DNAH8: variants seen among roughly 807,000 people sequenced by gnomAD.
DNAH8 encodes axonemal beta dynein heavy chain 8.
DNAH8 carries 382 observed loss-of-function variants against 562.1 expected under a neutral mutation model. That is an observed-to-expected ratio of 0.68 (90% CI 0.63 to 0.74). The LOEUF is 0.74. DNAH8 is among the 30% of genes least tolerant of loss of function. The pLI is 0.00. For missense variants in DNAH8, 5,203 were observed against 5,620.4 expected (o/e 0.93, Z 2.37); for synonymous variants, 1,881 against 1,919.4 (o/e 0.98, Z 0.52).
intron 11 of DNAH8, chr6:38,762,758 G>A (rs1766642880): frequency 6.1e-6 from 1 of 164,724 alleles, no homozygotes; most frequent in African/African-American, 2.4e-5. Context: ...AAGGTGTGTG[G>A]CTTGAACAGG....
intron 73 of DNAH8, among the ~76,000 whole-genome samples, chr6:38,924,478 T>C (rs745578085): frequency 2.0e-5 from 3 of 151,736 alleles, no homozygotes; most frequent in Non-Finnish European, 4.4e-5. Context: ...CACTCCAGAC[T>C]GGGCAACAAG....
At position 38,999,936 on chromosome 6, in the gene DNAH8, C is replaced by A. The variant is rs1188583831; in HGVS notation, c.13215-8878C>A. On this transcript the variant is annotated intron_variant, in intron 88 of 92. Transcript: ENST00000327475. ...GCATTTATACACACACACACACAAACACACACACACACATTCATTGAAAGG... is the reference window on the plus strand; with the variant it reads ...GCATTTATACACACACACACACAAAAACACACACACACATTCATTGAAAGG... Among the ~76,000 whole-genome samples, 3 of 147,782 alleles carry A rather than the reference C, an allele frequency of 2.0e-5. No homozygotes were observed. The East Asian group carries it at 5.8e-4, about 29-fold the overall frequency.
chr6:38,884,434 C>T (rs553142070), intron 56 of DNAH8, among the ~76,000 whole-genome samples: 1 of 152,300 alleles, frequency 6.6e-6, no homozygotes, highest in Non-Finnish European at 1.5e-5. Context: ...GCTGGGATAA[C>T]ATGTGCCCGC....
At chr6:38,881,549 G>GTTTT (rs3047883) in intron 53 of DNAH8, among the ~76,000 whole-genome samples, 3 of 134,032 alleles carry the variant, frequency 2.2e-5, no homozygotes, top group Non-Finnish European at 3.2e-5. Context: ...TGAAATCAAT[G>GTTTT]TTTTTTTTTT....
chr6:38,805,562 T>G lies in DNAH8; in HGVS notation c.3116T>G (p.Phe1039Cys), dbSNP rs1179439042. The change falls in exon 23 of 93, where the codon TTT (phenylalanine) becomes TGT (cysteine). Residue 1039 changes from phenylalanine to cysteine, a missense_variant. By Grantham distance (205) the Phe-to-Cys change is radical (BLOSUM62 -2). This residue lies in a region of DNAH8 where 2,176 missense variants were observed against 2,365.1 expected (regional missense o/e 0.92). Coordinates refer to ENST00000327475, the MANE Select transcript of DNAH8 (RefSeq NM_001206927.2). ...NDYEANIVNEFDTHDKEDEFK... is the reference protein window; with the variant it reads ...NDYEANIVNECDTHDKEDEFK... ...TATGAAGCTAATATTGTGAATGAGT[T>G]TGATACTCATGATAAAGAAGATGAA... is the stretch of plus-strand genomic sequence containing the variant. 1 of 1,589,188 alleles carries G rather than the reference T, an allele frequency of 6.3e-7. No homozygotes were observed. The highest frequency in any genetic ancestry group is 1.7e-5 in the Admixed American group (1 of 59,786).
intron 11 of DNAH8, chr6:38,763,668 G>T: frequency 5.7e-6 from 1 of 174,406 alleles, no homozygotes; most frequent in Non-Finnish European, 1.2e-5. Flanking sequence ...TTAGCCAGGT[G>T]TGTTGGTGCG....
chr6:38,984,264 T>G lies in DNAH8; in HGVS notation c.13010T>G (p.Val4337Gly). 1.2e-6 allele frequency: 2 copies of G among 1,611,310 alleles called. No homozygotes were observed. Among genetic ancestry groups the G allele is most frequent in the Non-Finnish European group, 1.7e-6 (2 of 1,177,530 alleles). ...GGAGAAGTACAATATGGAGGCAGAGTGACAGATGACTTTGACAAACGTCTA... is the reference window on the plus strand; with the variant it reads ...GGAGAAGTACAATATGGAGGCAGAGGGACAGATGACTTTGACAAACGTCTA... ...MIGEVQYGGR[V>G]TDDFDKRLLN... The change falls in exon 87 of 93, where the codon GTG becomes GGG. Residue 4337 changes from valine (V) to glycine (G), a missense_variant. Val to Gly is a moderately radical substitution (Grantham distance 109). Around this residue, in one of 6 missense-constraint regions of DNAH8, gnomAD observed 1,399 missense variants for 1,518.4 expected, o/e 0.92. Transcript: ENST00000327475.
intron 85 of DNAH8, among the ~76,000 whole-genome samples, chr6:38,977,052 A>G (rs1374470536): frequency 6.6e-6 from 1 of 152,220 alleles, no homozygotes; most frequent in African/African-American, 2.4e-5. Context: ...CCCAGTTCAT[A>G]GGCATGATAT....
At chr6:38,792,234 T>G (rs1583018246) in intron 21 of DNAH8, among the ~76,000 whole-genome samples, 3 of 152,056 alleles carry the variant, frequency 2.0e-5, no homozygotes, top group African/African-American at 7.2e-5. Flanking sequence ...ATTACAGGCC[T>G]GTACCAGCAC....
At chr6:38,751,544 C>T (rs927366964) in intron 9 of DNAH8, among the ~76,000 whole-genome samples, 6 of 152,152 alleles carry the variant, frequency 3.9e-5, no homozygotes. Context: ...GGTGAGGTGA[C>T]TTTGCCAGCA....
At chr6:38,803,372 ACCTTC>A in intron 22 of DNAH8, 61 bp downstream of exon 22, 2 of 1,361,384 alleles carry the variant, frequency 1.5e-6, no homozygotes, top group Non-Finnish European at 2.0e-6. Context: ...TTATGTAAGC[ACCTTC>A]TGCTTAGCAG....
chr6:38,868,530 G>T (rs1446883710), intron 48 of DNAH8, among the ~76,000 whole-genome samples: 3 of 152,160 alleles, frequency 2.0e-5, no homozygotes, highest in African/African-American at 7.2e-5. Context: ...GGAACCATGA[G>T]AACTTTTTGC....
chr6:38,785,550 G>T (rs1445683717), intron 17 of DNAH8, among the ~76,000 whole-genome samples: 1 of 152,046 alleles, frequency 6.6e-6, no homozygotes, highest in Admixed American at 6.6e-5. Context: ...TAAGTTCTGG[G>T]ATTTCTGCAC....
chr6:38,760,549 C>T (rs971704894), intron 10 of DNAH8, among the ~76,000 whole-genome samples: 2 of 151,710 alleles, frequency 1.3e-5, no homozygotes, highest in African/African-American at 2.4e-5. Context: ...AGAAACAGTC[C>T]TCTTTTGCCT....
At chr6:38,952,206 A>G (rs1016137362) in intron 82 of DNAH8, among the ~76,000 whole-genome samples, 5 of 152,138 alleles carry the variant, frequency 3.3e-5, no homozygotes, top group African/African-American at 1.2e-4. Context: ...GGGTGGTGGG[A>G]GATAGAAAGT....
intron 21 of DNAH8, among the ~76,000 whole-genome samples, chr6:38,802,317 T>C (rs1419895393): frequency 6.6e-6 from 1 of 151,612 alleles, no homozygotes; most frequent in South Asian, 2.1e-4. Context: ...CGATCATGGC[T>C]CCTGCAGCCT....
intron 1 of DNAH8, chr6:38,716,665 T>C (rs1762370947): frequency 6.6e-6 from 1 of 152,232 alleles, no homozygotes. Flanking sequence ...CCAATTTGAT[T>C]GTGCATTTTG....
chr6:38,717,145 A>G (rs1762402435), intron 1 of DNAH8, among the ~76,000 whole-genome samples: 1 of 152,236 alleles, frequency 6.6e-6, no homozygotes, highest in East Asian at 1.9e-4. Flanking sequence ...CCAGGAGGTG[A>G]GGACTGCAAT....
intron 8 of DNAH8, among the ~76,000 whole-genome samples, chr6:38,746,117 A>G (rs563516789): frequency 3.9e-5 from 6 of 152,274 alleles, no homozygotes; most frequent in African/African-American, 1.4e-4. Flanking sequence ...TTCCACGTTT[A>G]TTAATCAGAA....
Sources: gnomAD v4.1 joint callset for allele counts (sites outside exome capture counted in the v4.1 genomes callset) on GRCh38, gnomAD v4.1.1 for gene constraint, gnomAD v4.1.1 regional missense constraint, MANE v1.5 for transcripts, NCBI Gene and HGNC (gene_info 2026-07-23, HGNC 2026-07-21) for gene names.